The following NUMB variants were observed in gnomAD, a reference collection of about 807,000 sequenced individuals.
NUMB encodes NUMB endocytic adaptor protein.
Under a neutral mutation model 59.7 loss-of-function variants are expected in NUMB, and 29 were observed. That is an observed-to-expected ratio of 0.49 (90% CI 0.36 to 0.66). The LOEUF (loss-of-function observed/expected upper bound fraction) is 0.66. Ranked by LOEUF, NUMB falls within the 30% of genes least tolerant of loss-of-function variation. The pLI is 0.00. For missense variants in NUMB, 723 were observed against 822.0 expected (o/e 0.88, Z 1.47); for synonymous variants, 288 against 288.2 (o/e 1.00, Z 0.01).
At chr14:73,389,300 C>CAAA (rs1247536023) in intron 2 of NUMB, among the ~76,000 whole-genome samples, 1 of 95,272 alleles carries the variant, frequency 1.0e-5, no homozygotes, top group African/African-American at 3.9e-5. Flanking sequence ...AAAACAAAAA[C>CAAA]AAAAACACTG....
chr14:73,399,589 G>GA lies in NUMB; in HGVS notation c.-101+10347dup, dbSNP rs1371044065. ...AAAAAAGAAAAAAAAATATGCCAGA[G>GA]AAAAAAAGGCTTAGCCATATGCAGT... On this transcript the variant is annotated intron_variant, in intron 2 of 12. Coordinates refer to ENST00000555238, the MANE Select transcript of NUMB (RefSeq NM_001005743.2). Among the ~76,000 whole-genome samples, 8 of 151,700 alleles carry GA rather than the reference G, an allele frequency of 5.3e-5. No homozygotes were observed. In the South Asian group the frequency reaches 1.7e-3, roughly 31 times the overall value.
intron 1 of NUMB, among the ~76,000 whole-genome samples, chr14:73,448,697 T>C (rs557649631): frequency 8.3e-4 from 126 of 152,300 alleles, no homozygotes; most frequent in Non-Finnish European, 1.5e-3. Flanking sequence ...GTAAATAAAA[T>C]AATTCAATAA....
intron 4 of NUMB, among the ~76,000 whole-genome samples, chr14:73,349,414 C>A (rs1332356347): frequency 6.6e-6 from 1 of 151,956 alleles, no homozygotes; most frequent in Non-Finnish European, 1.5e-5. Flanking sequence ...ATGGTGAAAC[C>A]CCATCTCTAC....
chr14:73,433,575 TGCTG>T (rs1332723387), intron 1 of NUMB, among the ~76,000 whole-genome samples: 5 of 152,174 alleles, frequency 3.3e-5, no homozygotes, highest in Non-Finnish European at 7.3e-5. Context: ...AGTTAAACAG[TGCTG>T]AAAACTGTCA....
chr14:73,277,049 C>A lies in NUMB; in HGVS notation c.1485G>T (p.Val495=). 6.2e-7 allele frequency: 1 copy of A among 1,614,116 alleles called. No individual in the cohort carries two copies. Among genetic ancestry groups the A allele is most frequent in the Non-Finnish European group, 8.5e-7 (1 of 1,180,034 alleles). ...NAFLTSQPVP[V]GVVPALQPAF... ...CTGGTTGCAGGGCTGGGACCACACC[C>A]ACTGGCACAGGCTGAGAGGTGAGGA... is the stretch of plus-strand genomic sequence containing the variant. Residue 495 remains valine, a synonymous_variant, in exon 13 of 13, where the codon GTG becomes GTT. Coordinates refer to ENST00000555238, the MANE Select transcript of NUMB (RefSeq NM_001005743.2).
At chr14:73,442,860 T>G (rs182553500) in intron 1 of NUMB, among the ~76,000 whole-genome samples, 15 of 152,238 alleles carry the variant, frequency 9.9e-5, no homozygotes. Flanking sequence ...CATTACACCA[T>G]TTACTTTTTT....
At chr14:73,450,552 T>C (rs1428971310) in intron 1 of NUMB, among the ~76,000 whole-genome samples, 1 of 152,136 alleles carries the variant, frequency 6.6e-6, no homozygotes, top group Non-Finnish European at 1.5e-5. Flanking sequence ...CCCAACACTT[T>C]GGGAGGCCAA....
At position 73,355,590 on chromosome 14, in the gene NUMB, TTCCACATACAGACTTA is replaced by T; in HGVS notation, c.126+20_126+35del. On this transcript the variant is annotated intron_variant, in intron 4 of 12. Coordinates refer to ENST00000555238, the MANE Select transcript of NUMB (RefSeq NM_001005743.2). ...CACATACACTAGATTGTCAGTTCTT[TTCCACATACAGACTTA>T]TAGAAACATCAGCTCTTACCTTAAC... The T allele has an allele frequency of 6.3e-7, 1 of 1,577,550 alleles. No individual in the cohort carries two copies. Among genetic ancestry groups the T allele is most frequent in the Non-Finnish European group, 8.6e-7 (1 of 1,166,124 alleles).
In NUMB at chr14:73,277,124, A is replaced by G. The variant is rs765939972; in HGVS notation, c.1410T>C (p.Pro470=). 1.2e-6 allele frequency: 2 copies of G among 1,613,946 alleles called. No individual in the cohort carries two copies. Among genetic ancestry groups the G allele is most frequent in the East Asian group, 4.5e-5 (2 of 44,876 alleles). Residue 470 remains proline (P), a synonymous_variant, in exon 13 of 13, where the codon CCT becomes CCC. Coordinates refer to ENST00000555238, the MANE Select transcript of NUMB (RefSeq NM_001005743.2). ...CTGGCTGGGAGATGGCAGTGGGTGG[A>G]GGAGGCTGGAGAACTGGCTGCAGAG... ...AAPLQPVLQP[P]PPTAISQPAS... is the part of the protein sequence containing the mutation.
intron 4 of NUMB, among the ~76,000 whole-genome samples, chr14:73,325,909 T>TAG (rs1290415240): frequency 6.6e-6 from 1 of 152,198 alleles, no homozygotes; most frequent in Non-Finnish European, 1.5e-5. Flanking sequence ...CTCTGTTTGG[T>TAG]AGAATGGTGA....
At chr14:73,361,997 C>A (rs1894117132) in intron 3 of NUMB, among the ~76,000 whole-genome samples, 1 of 152,160 alleles carries the variant, frequency 6.6e-6, no homozygotes, top group South Asian at 2.1e-4. Flanking sequence ...TGGCTCACAC[C>A]TGTAATCCCC....
chr14:73,304,101 T>C (rs911634466), intron 6 of NUMB, among the ~76,000 whole-genome samples: 2 of 152,042 alleles, frequency 1.3e-5, no homozygotes, highest in African/African-American at 2.4e-5. Flanking sequence ...AGAAGAGAAA[T>C]GCACAGGTAA....
At chr14:73,296,955 GT>G (rs1361525877) in intron 7 of NUMB, among the ~76,000 whole-genome samples, 1 of 152,314 alleles carries the variant, frequency 6.6e-6, no homozygotes, top group Non-Finnish European at 1.5e-5. Flanking sequence ...ATCACCTGAG[GT>G]CAGGAGTTCG....
In NUMB at chr14:73,301,460, C is replaced by T. The variant is rs1890126207; in HGVS notation, c.235-4175G>A. ...AATTATATGCTTGTTTGTTTGGAGA[C>T]AGGGTCTTGCCTTGTTGCCCAGGCT... On this transcript the variant is annotated intron_variant, in intron 6 of 12. Coordinates refer to ENST00000555238, the MANE Select transcript of NUMB (RefSeq NM_001005743.2). Among the ~76,000 whole-genome samples the T allele has an allele frequency of 2.6e-5, 4 of 152,168 alleles. No individual in the cohort carries two copies. The South Asian group carries it at 8.3e-4, about 32-fold the overall frequency.
rs528840820 is a variant in NUMB at position 73,300,673 on chromosome 14, G to A, written c.235-3388C>T. 6.6e-5 allele frequency among the ~76,000 whole-genome samples: 10 copies of A among 152,214 alleles called. No homozygotes were observed. In the South Asian group the frequency reaches 8.3e-4, roughly 13 times the overall value. On this transcript the variant is annotated intron_variant, in intron 6 of 12. Coordinates refer to ENST00000555238, the MANE Select transcript of NUMB (RefSeq NM_001005743.2). ...CATAGGGTTACTGTGAAGATTAAACGAATTAATGTATACGAAAGGTTTAGA... is the reference window on the plus strand; with the variant it reads ...CATAGGGTTACTGTGAAGATTAAACAAATTAATGTATACGAAAGGTTTAGA...
chr14:73,308,028 C>T (rs1330610492), intron 6 of NUMB, among the ~76,000 whole-genome samples: 12 of 151,582 alleles, frequency 7.9e-5, no homozygotes, highest in East Asian at 2.0e-4. Context: ...CCACCGCGCC[C>T]GGCCGGGCCT....
chr14:73,422,774 A>G (rs60291949), intron 1 of NUMB, among the ~76,000 whole-genome samples: 13,438 of 152,070 alleles, frequency 0.088, 1,194 homozygotes, highest in African/African-American at 0.21. Context: ...GATAATGGTA[A>G]ATCATTCATG....
chr14:73,443,963 A>G (rs1185010287), intron 1 of NUMB, among the ~76,000 whole-genome samples: 1 of 151,848 alleles, frequency 6.6e-6, no homozygotes, highest in African/African-American at 2.4e-5. Context: ...GCAGGAGTGC[A>G]GTGGCGCAAT....
chr14:73,413,361 A>T (rs1896979496), intron 1 of NUMB, among the ~76,000 whole-genome samples: 1 of 151,912 alleles, frequency 6.6e-6, no homozygotes, highest in Non-Finnish European at 1.5e-5. Flanking sequence ...CTGGGATTAC[A>T]GGCGTGAGCC....
Sources: gnomAD v4.1 joint callset for allele counts (sites outside exome capture counted in the v4.1 genomes callset) on GRCh38, gnomAD v4.1.1 for gene constraint, MANE v1.5 for transcripts, NCBI Gene and HGNC (gene_info 2026-07-23, HGNC 2026-07-21) for gene names.